Variants in TCN2 observed in about 807,000 individuals in gnomAD.
TCN2 encodes transcobalamin 2, also known as transcobalamin-2.
A neutral mutation model predicts 48.6 loss-of-function variants in TCN2; 34 were observed. The observed-to-expected ratio is 0.70, with a 90% CI of 0.53 to 0.93. The LOEUF (loss-of-function observed/expected upper bound fraction) is 0.93. TCN2 is among the 40% of genes least tolerant of loss of function. The pLI, the probability that TCN2 is intolerant of heterozygous loss-of-function variation, is 0.00. For synonymous variants in TCN2, 283 were observed against 212.5 expected (o/e 1.33, Z -2.89); for missense variants, 652 against 526.1 (o/e 1.24, Z -2.34).
intron 2 of TCN2, 90 bp from the exon 3 acceptor site, chr22:30,612,783 T>TC: frequency 6.5e-7 from 1 of 1,542,942 alleles, no homozygotes. Context: ...TAAGATTTTT[T>TC]CCCGCTTTGT....
At chr22:30,612,747 G>T in intron 2 of TCN2, 126 bp from the exon 3 acceptor site, 1 of 1,178,206 alleles carries the variant, frequency 8.5e-7, no homozygotes, top group East Asian at 2.5e-5. Context: ...CCTCCTTTTG[G>T]AGCTTTTATC....
At chr22:30,612,837 A>G in intron 2 of TCN2, 36 bp from the exon 3 acceptor site, 1 of 1,611,668 alleles carries the variant, frequency 6.2e-7, no homozygotes, top group Non-Finnish European at 8.5e-7. Flanking sequence ...ACGGGGTGGC[A>G]GTTTCTCACA....
At chr22:30,625,403 A>T (rs1465748742) in intron 8 of TCN2, among the ~76,000 whole-genome samples, 38 of 19,328 alleles carry the variant, frequency 2.0e-3, no homozygotes, top group East Asian at 5.3e-3. Context: ...TTTTTAATTT[A>T]AAAAAAAAAA....
chr22:30,618,146 C>CT (rs2087641808), intron 7 of TCN2, among the ~76,000 whole-genome samples: 1 of 141,196 alleles, frequency 7.1e-6, no homozygotes, highest in African/African-American at 2.7e-5. Context: ...GATAGGGTCT[C>CT]TGTCTGTTGC....
intron 6 of TCN2, among the ~76,000 whole-genome samples, chr22:30,616,990 TGAAC>T (rs2087620872): frequency 6.6e-6 from 1 of 152,078 alleles, no homozygotes; most frequent in Non-Finnish European, 1.5e-5. Flanking sequence ...AGATGCGTTG[TGAAC>T]AAATGCATGT....
chr22:30,610,283 C>G, intron 1 of TCN2: 1 of 471,092 alleles, frequency 2.1e-6, no homozygotes. Context: ...GGAAGTTCAC[C>G]AGGCAGCCTC....
chr22:30,613,203 A>G (rs1048256799), intron 3 of TCN2, among the ~76,000 whole-genome samples, 161 bp downstream of exon 3: 2 of 152,164 alleles, frequency 1.3e-5, no homozygotes, highest in East Asian at 3.8e-4. Context: ...ACCTGTCCCC[A>G]TAGCCATCCT....
rs59764733 is a variant in TCN2, at chr22:30,623,971, CATAT to C, written c.1222+893_1222+896del. On this transcript the variant is annotated intron_variant, in intron 8 of 8. Coordinates refer to ENST00000215838, the MANE Select transcript of TCN2 (RefSeq NM_000355.4). ...ACATATGTATACATATATACACACA[CATAT>C]ATATGTATACATATATACACACATA... Among the ~76,000 whole-genome samples the C allele has an allele frequency of 1.0e-3, 17 of 16,662 alleles. 1 individual carries two copies. Among genetic ancestry groups the C allele is most frequent in the Non-Finnish European group, 1.4e-3 (14 of 9,750 alleles). The allele number at this position is 16,662 out of a possible 152,430, so 10.9% of individuals were successfully genotyped here. A position where few individuals can be genotyped will look rare whatever the true frequency, so the allele number is the denominator to read the frequency against.
chr22:30,623,963 T>C lies in TCN2; in HGVS notation c.1222+880T>C, dbSNP rs1337521125. On this transcript the variant is annotated intron_variant, in intron 8 of 8. Transcript: ENST00000215838. ...ACACACACACATATGTATACATATA[T>C]ACACACACATATATATGTATACATA... 1.2e-3 allele frequency among the ~76,000 whole-genome samples: 36 copies of C among 31,144 alleles called. 7 individuals are homozygous for C. In the East Asian group the frequency reaches 0.018, roughly 15 times the overall value. The allele number at this position is 31,144 out of a possible 152,430, so 20.4% of individuals were successfully genotyped here.
Position 30,623,741 on chromosome 22 carries a change from TATAC to T in TCN2, c.1222+660_1222+663del, listed in dbSNP as rs67698685. On this transcript the variant is annotated intron_variant, in intron 8 of 8. Coordinates refer to ENST00000215838, the MANE Select transcript of TCN2 (RefSeq NM_000355.4). Reference sequence around the variant, plus strand: ...ACACACATATATATGTATACATATATATACACACATATATATGTATATATATATA... The same window carrying T: ...ACACACATATATATGTATACATATATACACATATATATGTATATATATATA... Among the ~76,000 whole-genome samples the T allele has an allele frequency of 3.1e-3, 192 of 62,442 alleles. 6 individuals are homozygous for T. The highest frequency in any genetic ancestry group is 0.015 in the African/African-American group (134 of 9,240). 41.0% of individuals were successfully genotyped at this position (62,442 alleles called of 152,430 possible).
intron 8 of TCN2, 72 bp from the exon 9 acceptor site, chr22:30,626,388 G>A (rs1171888641): frequency 1.3e-6 from 2 of 1,510,618 alleles, no homozygotes; most frequent in East Asian, 2.3e-5. Context: ...AGGGTGGGGG[G>A]TCTGGAAGAT....
At chr22:30,620,934 C>G (rs2087687714) in intron 7 of TCN2, among the ~76,000 whole-genome samples, 1 of 152,196 alleles carries the variant, frequency 6.6e-6, no homozygotes, top group South Asian at 2.1e-4. Context: ...AAGGGCTACT[C>G]TGTGACATTC....
rs2087560672 is a variant in TCN2 at position 30,612,803 on chromosome 22, G to T, written c.258-70G>T. 11 of 1,588,340 alleles carry T rather than the reference G, an allele frequency of 6.9e-6. No individual in the cohort carries two copies. The Admixed American group carries it at 1.2e-4, about 17-fold the overall frequency. On this transcript the variant is annotated intron_variant, in intron 2 of 8. Coordinates refer to ENST00000215838, the MANE Select transcript of TCN2 (RefSeq NM_000355.4). ...TTTTTTCCCGCTTTGTGATGCGGGT[G>T]GGGTGGGTGCTGTAAGCAGGCTTAC...
At chr22:30,623,897 T>TACACAC (rs1491187814) in intron 8 of TCN2, among the ~76,000 whole-genome samples, 1 of 79,402 alleles carries the variant, frequency 1.3e-5, no homozygotes, top group Non-Finnish European at 2.1e-5. Flanking sequence ...CACATATATA[T>TACACAC]GTATACATAT....
At chr22:30,611,155 G>A (rs777329746) in intron 2 of TCN2, 92 bp downstream of exon 2, 80 of 1,531,116 alleles carry the variant, frequency 5.2e-5, no homozygotes, top group Non-Finnish European at 7.2e-5. Flanking sequence ...CACTTTGTGG[G>A]CAGACCTTAG....
intron 8 of TCN2, among the ~76,000 whole-genome samples, chr22:30,625,475 T>C (rs2087793472): frequency 6.6e-6 from 1 of 152,068 alleles, no homozygotes; most frequent in Non-Finnish European, 1.5e-5. Flanking sequence ...AAAAATTTTT[T>C]TTTTTGAGAT....
At chr22:30,617,016 C>T (rs964253961) in intron 6 of TCN2, among the ~76,000 whole-genome samples, 1 of 152,040 alleles carries the variant, frequency 6.6e-6, no homozygotes, top group East Asian at 1.9e-4. Flanking sequence ...CTAGGAAGAG[C>T]CCTCTGGAGT....
intron 3 of TCN2, among the ~76,000 whole-genome samples, chr22:30,613,705 C>T (rs1472183567): frequency 6.6e-6 from 1 of 152,190 alleles, no homozygotes; most frequent in Admixed American, 6.5e-5. Context: ...CCTGACTTGA[C>T]CCAGCATACA....
chr22:30,609,067 A>G (rs2087497078), intron 1 of TCN2, among the ~76,000 whole-genome samples: 1 of 152,028 alleles, frequency 6.6e-6, no homozygotes, highest in Admixed American at 6.5e-5. Flanking sequence ...TCCCAGTTTA[A>G]AGCTCTATAT....
Sources: gnomAD v4.1 joint callset for allele counts (sites outside exome capture counted in the v4.1 genomes callset) on GRCh38, gnomAD v4.1.1 for gene constraint, MANE v1.5 for transcripts, NCBI Gene and HGNC (gene_info 2026-07-23, HGNC 2026-07-21) for gene names.